Variants in TBC1D22B observed in about 807,000 individuals in gnomAD.
TBC1D22B encodes the protein TBC1 domain family member 22B.
TBC1D22B carries 32 observed loss-of-function variants against 69.1 expected under a neutral mutation model. The ratio of observed to expected loss-of-function variants is 0.46; its 90% CI spans 0.35 to 0.62. The LOEUF (loss-of-function observed/expected upper bound fraction) is 0.62. Ranked by LOEUF, TBC1D22B falls within the 20% of genes least tolerant of loss-of-function variation. The pLI is 0.00. For synonymous variants in TBC1D22B, 206 were observed against 229.8 expected, an observed-to-expected ratio of 0.90 and a Z score of 0.94; for missense variants, 462 against 630.9, an observed-to-expected ratio of 0.73 and a Z score of 2.87.
rs949980895 is a variant in TBC1D22B at position 37,282,971 on chromosome 6, G to A, written c.672+19G>A. On this transcript the variant is annotated intron_variant, in intron 5 of 12. Coordinates refer to ENST00000373491, the MANE Select transcript of TBC1D22B (RefSeq NM_017772.4). ...CCTGTCGGTGAGTTCTACCCACTGT[G>A]TAGAGAAATGTGAGCCTCACACAGC... 2 of 1,610,856 alleles carry A rather than the reference G, an allele frequency of 1.2e-6. No homozygotes were observed. The highest frequency in any genetic ancestry group is 1.3e-5 in the African/African-American group (1 of 74,850).
chr6:37,319,226 C>G (rs1259482227), intron 12 of TBC1D22B, among the ~76,000 whole-genome samples: 1 of 152,216 alleles, frequency 6.6e-6, no homozygotes, highest in Non-Finnish European at 1.5e-5. Flanking sequence ...AGAACCATGG[C>G]TTCTGCCAGT....
At chr6:37,264,582 A>AT (rs1258354351) in intron 1 of TBC1D22B, among the ~76,000 whole-genome samples, 2 of 152,210 alleles carry the variant, frequency 1.3e-5, no homozygotes, top group Non-Finnish European at 2.9e-5. Context: ...AAGTGCAGGG[A>AT]TTACAGTGCC....
At chr6:37,313,169 C>T in intron 9 of TBC1D22B, 145 bp downstream of exon 9, 2 of 700,900 alleles carry the variant, frequency 2.9e-6, no homozygotes, top group Non-Finnish European at 5.1e-6. Flanking sequence ...CATCTCTATC[C>T]TTCTTCATTG....
chr6:37,298,194 A>T (rs1423160199), intron 8 of TBC1D22B, among the ~76,000 whole-genome samples: 4 of 152,146 alleles, frequency 2.6e-5, no homozygotes, highest in African/African-American at 9.7e-5. Context: ...TTAAAGTATA[A>T]TTTAAAAAAA....
chr6:37,326,120 G>A (rs1000365455), intron 12 of TBC1D22B, among the ~76,000 whole-genome samples: 4 of 151,928 alleles, frequency 2.6e-5, no homozygotes, highest in African/African-American at 7.3e-5. Flanking sequence ...GGTGGCTCAC[G>A]CCTGTAATCC....
At chr6:37,284,238 T>G (rs916827474) in intron 5 of TBC1D22B, 98 bp from the exon 6 acceptor site, 1 of 1,585,646 alleles carries the variant, frequency 6.3e-7, no homozygotes, top group East Asian at 2.3e-5. Context: ...GCAGTTTTCC[T>G]TCTTGGTAGT....
intron 1 of TBC1D22B, among the ~76,000 whole-genome samples, chr6:37,260,380 C>T (rs189700436): frequency 6.6e-6 from 1 of 152,242 alleles, no homozygotes; most frequent in African/African-American, 2.4e-5. Flanking sequence ...TTTGTCTGAT[C>T]ATGATCCAAC....
intron 8 of TBC1D22B, among the ~76,000 whole-genome samples, chr6:37,298,961 T>G (rs901063917): frequency 4.6e-5 from 7 of 152,224 alleles, no homozygotes; most frequent in African/African-American, 1.7e-4. Context: ...AGAAGTGAAA[T>G]TACTAATCCT....
chr6:37,268,500 A>G (rs1256657896), intron 1 of TBC1D22B, among the ~76,000 whole-genome samples: 1 of 152,130 alleles, frequency 6.6e-6, no homozygotes, highest in Admixed American at 6.5e-5. Context: ...AAGTGCTAGG[A>G]TTACAGTTGT....
intron 2 of TBC1D22B, among the ~76,000 whole-genome samples, chr6:37,275,989 G>A (rs1766659059): frequency 6.8e-6 from 1 of 147,318 alleles, no homozygotes; most frequent in Non-Finnish European, 1.5e-5. Flanking sequence ...TTTGGAGATG[G>A]AGTCTTGCTC....
intron 12 of TBC1D22B, among the ~76,000 whole-genome samples, chr6:37,323,780 A>G (rs1768319019): frequency 6.6e-6 from 1 of 152,238 alleles, no homozygotes; most frequent in Non-Finnish European, 1.5e-5. Context: ...GTGAATTGCC[A>G]GTTTGAATCC....
chr6:37,320,959 A>G (rs775678603), intron 12 of TBC1D22B, among the ~76,000 whole-genome samples: 4 of 152,198 alleles, frequency 2.6e-5, no homozygotes, highest in Non-Finnish European at 5.9e-5. Flanking sequence ...AGCCTGGGCT[A>G]GTGTAATAGA....
At chr6:37,274,106 T>A (rs1006889055) in intron 2 of TBC1D22B, among the ~76,000 whole-genome samples, 1 of 152,242 alleles carries the variant, frequency 6.6e-6, no homozygotes, top group African/African-American at 2.4e-5. Flanking sequence ...CTTGATGGTA[T>A]GACAAGCTTC....
In TBC1D22B at chr6:37,282,279, T is replaced by C. The variant is rs754855390; in HGVS notation, c.516T>C (p.Ala172=). ...PLVARISDQN[A]SGAPPMTVRE... is the part of the protein sequence containing the mutation. ...TTGCCCGGATCTCGGATCAGAACGC[T>C]TCTGGGGCCCCCCCAATGACTGTCC... Residue 172 remains alanine, a synonymous_variant, in exon 4 of 13, where the codon GCT becomes GCC. Transcript: ENST00000373491. The C allele has an allele frequency of 1.2e-6, 2 of 1,614,130 alleles. No homozygotes were observed. Among genetic ancestry groups the C allele is most frequent in the Admixed American group, 3.3e-5 (2 of 60,032 alleles).
At chr6:37,291,587 C>T (rs1251772302) in intron 8 of TBC1D22B, among the ~76,000 whole-genome samples, 1 of 152,172 alleles carries the variant, frequency 6.6e-6, no homozygotes, top group Non-Finnish European at 1.5e-5. Flanking sequence ...CAAGAATGAC[C>T]ACATTGATAT....
intron 12 of TBC1D22B, among the ~76,000 whole-genome samples, chr6:37,323,060 A>G (rs888250186): frequency 3.3e-5 from 5 of 152,120 alleles, no homozygotes; most frequent in Non-Finnish European, 7.4e-5. Context: ...TGGTCACTCT[A>G]TTCTAAAAAG....
At chr6:37,271,914 T>A (rs2113724454) in intron 2 of TBC1D22B, among the ~76,000 whole-genome samples, 1 of 151,954 alleles carries the variant, frequency 6.6e-6, no homozygotes, top group African/African-American at 2.4e-5. Flanking sequence ...AGCAGGGACT[T>A]TGTTTTGTTC....
At chr6:37,258,128 G>A in intron 1 of TBC1D22B, 155 bp downstream of exon 1, 1 of 831,408 alleles carries the variant, frequency 1.2e-6, no homozygotes, top group Non-Finnish European at 1.8e-6. Flanking sequence ...GTCAGGCAGC[G>A]AAGCGAACAG....
intron 3 of TBC1D22B, among the ~76,000 whole-genome samples, chr6:37,280,690 C>G (rs1386056798): frequency 6.6e-6 from 1 of 152,256 alleles, no homozygotes; most frequent in Non-Finnish European, 1.5e-5. Context: ...CAGCCCAGAG[C>G]ATTCTCCCTG....
Sources: allele counts gnomAD v4.1 joint callset (sites outside exome capture counted in the v4.1 genomes callset), GRCh38; gene constraint gnomAD v4.1.1; transcripts MANE v1.5; gene names NCBI Gene and HGNC (gene_info 2026-07-23, HGNC 2026-07-21).